SWAP70: variants seen among roughly 807,000 people sequenced by gnomAD.
SWAP70 encodes the protein switch-associated protein 70.
In SWAP70, 34 loss-of-function variants were observed where a neutral mutation model predicts 80.2. The ratio of observed to expected loss-of-function variants is 0.42; its 90% confidence interval spans 0.32 to 0.56. The LOEUF is 0.56. SWAP70 is among the 20% of genes least tolerant of loss of function. The pLI, the probability that SWAP70 is intolerant of heterozygous loss-of-function variation, is 0.09. For synonymous variants in SWAP70, 239 were observed against 238.5 expected (o/e 1.00, Z -0.02); for missense variants, 578 against 690.7 (o/e 0.84, Z 1.83).
intron 3 of SWAP70, among the ~76,000 whole-genome samples, chr11:9,722,120 T>C (rs429546): frequency 0.33 from 49,732 of 152,096 alleles, 8,362 homozygotes; most frequent in Non-Finnish European, 0.35. Flanking sequence ...GAAGCAACAT[T>C]AGTGGAGTAC....
intron 1 of SWAP70, among the ~76,000 whole-genome samples, chr11:9,671,222 T>A (rs1308139920): frequency 4.0e-5 from 3 of 74,164 alleles, no homozygotes; most frequent in South Asian, 4.6e-4. Flanking sequence ...AATATAAAAA[T>A]ATATAAAATA....
At chr11:9,670,148 GA>G (rs1336963485) in intron 1 of SWAP70, among the ~76,000 whole-genome samples, 3 of 152,042 alleles carry the variant, frequency 2.0e-5, no homozygotes, top group Non-Finnish European at 2.9e-5. Flanking sequence ...GAAGATAACA[GA>G]AACCATTGCA....
chr11:9,698,577 G>C lies in SWAP70; in HGVS notation c.240+4291G>C, dbSNP rs140987595. 6.2e-3 allele frequency among the ~76,000 whole-genome samples: 939 copies of C among 151,808 alleles called. 8 individuals carry two copies. Among genetic ancestry groups the C allele is most frequent in the African/African-American group, 0.021 (888 of 41,380 alleles). On this transcript the variant is annotated intron_variant, in intron 2 of 11. Transcript: ENST00000318950. Reference sequence around the variant, plus strand: ...GTGCCACGACACCTGGATAATTTTTGTATTTTTAGTAGAGATGGAGTTTTA... The same window carrying C: ...GTGCCACGACACCTGGATAATTTTTCTATTTTTAGTAGAGATGGAGTTTTA...
chr11:9,680,151 GC>G (rs1200185934), intron 1 of SWAP70, among the ~76,000 whole-genome samples: 1 of 152,168 alleles, frequency 6.6e-6, no homozygotes, highest in Non-Finnish European at 1.5e-5. Context: ...AAAAAAACAT[GC>G]AGCCTTGTCC....
At chr11:9,708,945 G>T (rs1246819991) in intron 2 of SWAP70, among the ~76,000 whole-genome samples, 1 of 152,168 alleles carries the variant, frequency 6.6e-6, no homozygotes, top group Non-Finnish European at 1.5e-5. Flanking sequence ...ACCCAGACTA[G>T]AGTGTGAATT....
At chr11:9,675,679 C>T (rs1850490002) in intron 1 of SWAP70, among the ~76,000 whole-genome samples, 1 of 149,128 alleles carries the variant, frequency 6.7e-6, no homozygotes, top group South Asian at 2.2e-4. Context: ...AAGGGAACCA[C>T]TTCTGTCTGC....
At chr11:9,709,653 A>T (rs1022947059) in intron 2 of SWAP70, among the ~76,000 whole-genome samples, 1 of 152,032 alleles carries the variant, frequency 6.6e-6, no homozygotes, top group Non-Finnish European at 1.5e-5. Context: ...ATGCCTGGCT[A>T]ATTTTTAGTA....
In SWAP70 at chr11:9,752,499, A is replaced by C. The variant is rs1851604047; in HGVS notation, c.*2529A>C. 1 of 152,274 alleles carries C rather than the reference A, an allele frequency of 6.6e-6. No homozygotes were observed. The highest frequency in any genetic ancestry group is 1.5e-5 in the Non-Finnish European group (1 of 68,050). 9.4% of individuals were successfully genotyped at this position (152,274 alleles called of 1,614,324 possible). A position where few individuals can be genotyped will look rare whatever the true frequency, so the allele number is the denominator to read the frequency against. On this transcript the variant is annotated 3_prime_UTR_variant, in exon 12 of 12. Coordinates refer to ENST00000318950, the MANE Select transcript of SWAP70 (RefSeq NM_015055.4). ...TCTAGGAGGCAATATCCTTTTAAACAGTGCTTTGGCTAAGATAGATACTTG... is the reference window on the plus strand; with the variant it reads ...TCTAGGAGGCAATATCCTTTTAAACCGTGCTTTGGCTAAGATAGATACTTG...
At chr11:9,667,474 A>C (rs538839864) in intron 1 of SWAP70, among the ~76,000 whole-genome samples, 5 of 150,956 alleles carry the variant, frequency 3.3e-5, no homozygotes, top group African/African-American at 1.2e-4. Context: ...CTGGTGTTGA[A>C]CTCCTGAGCT....
At chr11:9,716,786 G>A (rs548981655) in intron 3 of SWAP70, among the ~76,000 whole-genome samples, 42 of 152,300 alleles carry the variant, frequency 2.8e-4, no homozygotes, top group African/African-American at 9.9e-4. Context: ...GGCCAGGGCT[G>A]GAGACAGAGG....
chr11:9,692,220 ATAT>A (rs1565116958), intron 1 of SWAP70, among the ~76,000 whole-genome samples: 5 of 228 alleles, frequency 0.022, no homozygotes, highest in South Asian at 0.17. Context: ...CACTTAAAAT[ATAT>A]ATATATATAT....
intron 4 of SWAP70, 73 bp downstream of exon 4, chr11:9,724,958 A>T (rs564839777): frequency 1.8e-6 from 2 of 1,090,008 alleles, no homozygotes; most frequent in Admixed American, 4.7e-5. Context: ...TTTTGTCACA[A>T]AGATGAGTAT....
chr11:9,711,359 A>T (rs1326532479), intron 2 of SWAP70, among the ~76,000 whole-genome samples: 2 of 151,876 alleles, frequency 1.3e-5, no homozygotes, highest in African/African-American at 4.8e-5. Context: ...CTTGTCTTTC[A>T]CTGTGTCCCA....
chr11:9,675,251 C>T lies in SWAP70; in HGVS notation c.99+10973C>T, dbSNP rs559155030. Among the ~76,000 whole-genome samples, 49 of 151,490 alleles carry T rather than the reference C, an allele frequency of 3.2e-4. 1 individual carries two copies. Among genetic ancestry groups the T allele is most frequent in the Non-Finnish European group, 7.4e-5 (5 of 67,894 alleles). Reference sequence around the variant, plus strand: ...GGAGTGAGCTATGATTGTGCCACTGCACTCCAGCCTGGGAAACAGAGTGAG... The same window carrying T: ...GGAGTGAGCTATGATTGTGCCACTGTACTCCAGCCTGGGAAACAGAGTGAG... On this transcript the variant is annotated intron_variant, in intron 1 of 11. Coordinates refer to ENST00000318950, the MANE Select transcript of SWAP70 (RefSeq NM_015055.4).
At chr11:9,691,893 AT>A (rs1195349918) in intron 1 of SWAP70, among the ~76,000 whole-genome samples, 2 of 152,178 alleles carry the variant, frequency 1.3e-5, no homozygotes, top group African/African-American at 4.8e-5. Flanking sequence ...CTTTGGATTA[AT>A]CAGCTACTTT....
At chr11:9,715,581 A>G (rs758982032) in intron 3 of SWAP70, among the ~76,000 whole-genome samples, 2 of 152,228 alleles carry the variant, frequency 1.3e-5, no homozygotes, top group Non-Finnish European at 2.9e-5. Context: ...ACAGTTCCAC[A>G]TGGCTGGGGA....
At position 9,752,243 on chromosome 11, in the gene SWAP70, G is replaced by T. The variant is rs1275424888; in HGVS notation, c.*2273G>T. 6.6e-6 allele frequency: 1 copy of T among 152,200 alleles called. No homozygotes were observed. The highest frequency in any genetic ancestry group is 2.4e-5 in the African/African-American group (1 of 41,444). 9.4% of individuals were successfully genotyped at this position (152,200 alleles called of 1,614,324 possible). A position where few individuals can be genotyped will look rare whatever the true frequency, so the allele number is the denominator to read the frequency against. On this transcript the variant is annotated 3_prime_UTR_variant, in exon 12 of 12. Coordinates refer to ENST00000318950, the MANE Select transcript of SWAP70 (RefSeq NM_015055.4). ...TGCAGAATGTCCTTCTTTAAACCTG[G>T]CTTATTCCACAGCTGTAGCTGATAA...
chr11:9,684,231 G>A (rs761598010), intron 1 of SWAP70, among the ~76,000 whole-genome samples: 6 of 152,084 alleles, frequency 3.9e-5, no homozygotes, highest in South Asian at 4.2e-4. Flanking sequence ...GCAGGTGTGC[G>A]CCACCATGCC....
intron 6 of SWAP70, 49 bp downstream of exon 6, chr11:9,729,500 CT>C: frequency 7.2e-7 from 1 of 1,393,532 alleles, no homozygotes; most frequent in South Asian, 1.2e-5. Flanking sequence ...AAAGCTCTGA[CT>C]TTCTTTTTTT....
Sources: gnomAD v4.1 joint callset for allele counts (sites outside exome capture counted in the v4.1 genomes callset) on GRCh38, gnomAD v4.1.1 for gene constraint, MANE v1.5 for transcripts, NCBI Gene and HGNC (gene_info 2026-07-23, HGNC 2026-07-21) for gene names.